SCOC: variants seen among roughly 807,000 people sequenced by gnomAD.
The protein encoded by SCOC is short coiled coil protein.
In SCOC, 7 loss-of-function variants were observed where a neutral mutation model predicts 9.9. That is an observed-to-expected ratio of 0.71 (90% CI 0.40 to 1.33). The LOEUF is 1.33. SCOC is among the 40% of genes most tolerant of loss of function. The pLI is 0.01. For missense variants in SCOC, 66 were observed against 89.7 expected (o/e 0.74, Z 1.07); for synonymous variants, 19 against 28.2 (o/e 0.67, Z 1.03).
intron 2 of SCOC, among the ~76,000 whole-genome samples, chr4:140,356,351 A>G (rs1458703394): frequency 1.3e-5 from 2 of 152,188 alleles, no homozygotes; most frequent in Non-Finnish European, 2.9e-5. Context: ...CTTCGTAACC[A>G]CAACACAACC....
At chr4:140,328,336 G>T (rs1050836435) in intron 1 of SCOC, among the ~76,000 whole-genome samples, 10 of 152,152 alleles carry the variant, frequency 6.6e-5, no homozygotes, top group African/African-American at 2.2e-4. Flanking sequence ...AAAGGGAATA[G>T]AATTGGAAAA....
At chr4:140,374,026 G>T (rs990136062) in intron 1 of SCOC, 3 of 558,336 alleles carry the variant, frequency 5.4e-6, no homozygotes, top group Non-Finnish European at 1.0e-5. Context: ...GTCGGGAGCC[G>T]CTTTGCAGCT....
intron 1 of SCOC, among the ~76,000 whole-genome samples, chr4:140,263,483 G>A (rs908337245): frequency 2.6e-5 from 4 of 152,236 alleles, no homozygotes; most frequent in East Asian, 1.9e-4. Flanking sequence ...TGAGCTGCTC[G>A]CTGCTGAAAC....
chr4:140,272,675 G>T (rs1386705802), intron 1 of SCOC, among the ~76,000 whole-genome samples: 2 of 152,178 alleles, frequency 1.3e-5, no homozygotes, highest in Admixed American at 1.3e-4. Context: ...AAACATAGAT[G>T]TGGAGGGTGC....
intron 1 of SCOC, among the ~76,000 whole-genome samples, chr4:140,378,640 A>G (rs913187396): frequency 6.6e-6 from 1 of 152,162 alleles, no homozygotes; most frequent in African/African-American, 2.4e-5. Flanking sequence ...GTGGGCAGTT[A>G]TGTTGTTTCT....
chr4:140,294,716 A>G (rs142610791), intron 1 of SCOC, among the ~76,000 whole-genome samples: 1,805 of 152,284 alleles, frequency 0.012, 23 homozygotes, highest in Non-Finnish European at 0.014. Flanking sequence ...CAAGGTTAGA[A>G]AGGACCACAT....
intron 1 of SCOC, among the ~76,000 whole-genome samples, chr4:140,262,428 G>A (rs781627510): frequency 3.3e-5 from 5 of 152,178 alleles, no homozygotes; most frequent in Admixed American, 2.0e-4. Flanking sequence ...CCATGTTGAA[G>A]ACCTCCTATC....
At chr4:140,369,674 C>A (rs1157965181), upstream of SCOC, among the ~76,000 whole-genome samples, 1 of 151,932 alleles carries the variant, frequency 6.6e-6, no homozygotes, top group Non-Finnish European at 1.5e-5. Flanking sequence ...GTACAGTTTT[C>A]AATTAGGACT....
intron 2 of SCOC, among the ~76,000 whole-genome samples, chr4:140,348,912 G>A (rs932943078): frequency 6.6e-6 from 1 of 152,020 alleles, no homozygotes; most frequent in Admixed American, 6.6e-5. Context: ...CTAACAGTTG[G>A]GAGATGTTAT....
rs576375005 is a variant in SCOC, at chr4:140,377,978, T to C, written c.-50-1143T>C. Among the ~76,000 whole-genome samples, 10 of 152,306 alleles carry C rather than the reference T, an allele frequency of 6.6e-5. No homozygotes were observed. The South Asian group carries it at 2.1e-3, about 32-fold the overall frequency. On this transcript the variant is annotated intron_variant, in intron 1 of 3. Coordinates refer to ENST00000608372, the MANE Select transcript of SCOC (RefSeq NM_001153484.2). ...AACAAATCTGTTTTCAGTAATAATC[T>C]GGTGACATTATTTAATATATTTTGA...
intron 1 of SCOC, among the ~76,000 whole-genome samples, chr4:140,270,422 C>T (rs1344085837): frequency 6.6e-6 from 1 of 152,154 alleles, no homozygotes; most frequent in Non-Finnish European, 1.5e-5. Flanking sequence ...CAGCCTCAAC[C>T]TTCCAGGCTC....
chr4:140,345,301 A>G (rs1383910114), intron 2 of SCOC, among the ~76,000 whole-genome samples: 1 of 152,152 alleles, frequency 6.6e-6, no homozygotes, highest in Non-Finnish European at 1.5e-5. Context: ...GAGTCACAAA[A>G]TCTCAGTGCA....
intron 1 of SCOC, among the ~76,000 whole-genome samples, chr4:140,272,463 AAAG>A (rs1730868132): frequency 6.6e-6 from 1 of 152,168 alleles, no homozygotes; most frequent in Non-Finnish European, 1.5e-5. Flanking sequence ...CTGAATGATA[AAAG>A]AACACCACCT....
At position 140,381,270 on chromosome 4, in the gene SCOC, T is replaced by G. The variant is rs957556562; in HGVS notation, c.*166T>G. The G allele has an allele frequency of 6.8e-6, 4 of 589,632 alleles. No individual in the cohort carries two copies. Among genetic ancestry groups the G allele is most frequent in the Non-Finnish European group, 1.1e-5 (4 of 351,558 alleles). The allele number at this position is 589,632 out of a possible 1,614,324, so 36.5% of individuals were successfully genotyped here. On this transcript the variant is annotated 3_prime_UTR_variant, in exon 4 of 4. Coordinates refer to ENST00000608372, the MANE Select transcript of SCOC (RefSeq NM_001153484.2). ...CAATAACAGGAGACTTCCATAAGTT[T>G]GTGTATTATGTTAGTCTATGAAAAC... is the stretch of plus-strand genomic sequence containing the variant.
At chr4:140,338,857 G>T (rs1726381706), upstream of SCOC, among the ~76,000 whole-genome samples, 2 of 152,276 alleles carry the variant, frequency 1.3e-5, no homozygotes, top group East Asian at 3.9e-4. Context: ...TCAATATTGT[G>T]AAAATGGCCA....
At chr4:140,260,057 T>A (rs1290841790) in intron 1 of SCOC, among the ~76,000 whole-genome samples, 2 of 152,216 alleles carry the variant, frequency 1.3e-5, no homozygotes, top group Non-Finnish European at 2.9e-5. Flanking sequence ...CCTGAGACAT[T>A]ATTTTTATAT....
intron 1 of SCOC, among the ~76,000 whole-genome samples, chr4:140,271,830 CA>C (rs1463601178): frequency 6.6e-6 from 1 of 152,084 alleles, no homozygotes; most frequent in Non-Finnish European, 1.5e-5. Flanking sequence ...GGGTCTCTGC[CA>C]CTGAGGTACT....
intron 2 of SCOC, chr4:140,366,102 T>C: frequency 2.7e-6 from 1 of 375,034 alleles, no homozygotes; most frequent in Non-Finnish European, 4.9e-6. Context: ...CATGTTTGTA[T>C]AATGCAATTT....
intron 1 of SCOC, among the ~76,000 whole-genome samples, chr4:140,320,313 C>A (rs1278119105): frequency 2.6e-5 from 4 of 152,170 alleles, no homozygotes; most frequent in African/African-American, 9.7e-5. Context: ...GCATGAATAA[C>A]CCACCTCTTG....
Sources: allele counts gnomAD v4.1 joint callset (sites outside exome capture counted in the v4.1 genomes callset), GRCh38; gene constraint gnomAD v4.1.1; transcripts MANE v1.5; gene names NCBI Gene and HGNC (gene_info 2026-07-23, HGNC 2026-07-21).